Variants in IL17REL observed in about 807,000 individuals in gnomAD.
The protein encoded by IL17REL is interleukin-17 receptor E-like protein.
Under a neutral mutation model 49.0 loss-of-function variants are expected in IL17REL, and 36 were observed. The observed-to-expected ratio is 0.73, with a 90% CI of 0.56 to 0.97. IL17REL has a LOEUF of 0.97. Ranked by LOEUF, IL17REL falls within the 50% of genes least tolerant of loss-of-function variation. The pLI, the probability that IL17REL is intolerant of heterozygous loss-of-function variation, is 0.00. For missense variants in IL17REL, 470 were observed against 453.9 expected (o/e 1.04, Z -0.32); for synonymous variants, 206 against 192.4 (o/e 1.07, Z -0.58).
intron 2 of IL17REL, 92 bp downstream of exon 3, chr22:50,000,990 C>G: frequency 7.8e-7 from 1 of 1,277,378 alleles, no homozygotes; most frequent in Non-Finnish European, 1.1e-6. Context: ...CCTCCCTCAC[C>G]AGGCCGCCCA....
intron 1 of IL17REL, among the ~76,000 whole-genome samples, chr22:50,004,966 A>G (rs1396805095): frequency 6.6e-6 from 1 of 150,496 alleles, no homozygotes; most frequent in Non-Finnish European, 1.5e-5. Flanking sequence ...TCAAAACCAG[A>G]AAGTAAAAAA....
intron 7 of IL17REL, 77 bp downstream of exon 9, chr22:49,999,214 C>G (rs898211911): frequency 7.8e-6 from 12 of 1,535,050 alleles, no homozygotes; most frequent in South Asian, 1.1e-5. Flanking sequence ...CATCCCCCCA[C>G]GTCAGTCCTC....
chr22:49,992,752 G>A (rs1026431894), downstream of IL17REL, among the ~76,000 whole-genome samples: 4 of 152,154 alleles, frequency 2.6e-5, no homozygotes, highest in Non-Finnish European at 5.9e-5. Context: ...TGAGTAGCTG[G>A]GATTACAGGT....
chr22:50,009,282 C>A (rs923352094), upstream of IL17REL, among the ~76,000 whole-genome samples: 4 of 151,902 alleles, frequency 2.6e-5, no homozygotes, highest in Non-Finnish European at 5.9e-5. Context: ...AAGCTGCACT[C>A]CTGATTTATG....
At chr22:50,004,118 G>T (rs1464016123) in intron 1 of IL17REL, among the ~76,000 whole-genome samples, 1 of 151,966 alleles carries the variant, frequency 6.6e-6, no homozygotes. Flanking sequence ...TCACTCTGTT[G>T]CCCAGGCTGA....
exon 13 of IL17REL, chr22:49,995,101 C>T (rs527516402): frequency 2.0e-5 from 3 of 152,692 alleles, no homozygotes; most frequent in East Asian, 1.9e-4. Context: ...GAGGTGGACT[C>T]CAGCCAGTGT....
At chr22:50,009,381 G>A (rs2061126528), upstream of IL17REL, among the ~76,000 whole-genome samples, 1 of 152,174 alleles carries the variant, frequency 6.6e-6, no homozygotes, top group Non-Finnish European at 1.5e-5. Context: ...GGGTCCTGTG[G>A]GACAGGCTGC....
At chr22:50,003,788 T>A (rs574505719) in intron 1 of IL17REL, among the ~76,000 whole-genome samples, 5 of 152,294 alleles carry the variant, frequency 3.3e-5, no homozygotes, top group African/African-American at 1.2e-4. Context: ...AATAATAGAT[T>A]ATTTCCACCC....
At position 49,997,753 on chromosome 22, in the gene IL17REL, G is replaced by C; in HGVS notation, c.820-11C>G. ...CCAACTGGTAGAGAACTGCAAAGTG[G>C]GGTGAGGGGTGCAGGAGGGTGGAGT... On this transcript the variant is annotated splice_polypyrimidine_tract_variant and intron_variant, in intron 9 of 12. Coordinates refer to ENST00000341280, the Ensembl canonical transcript of IL17REL. 6.2e-7 allele frequency: 1 copy of C among 1,613,762 alleles called. No homozygotes were observed. The highest frequency in any genetic ancestry group is 1.3e-5 in the African/African-American group (1 of 75,060).
At chr22:50,008,481 C>T (rs1047518807) in intron 1 of IL17REL, among the ~76,000 whole-genome samples, 156 bp downstream of exon 2, 1 of 152,154 alleles carries the variant, frequency 6.6e-6, no homozygotes, top group Non-Finnish European at 1.5e-5. Flanking sequence ...CCACACGCAT[C>T]GGTGAGTGAT....
downstream of IL17REL, among the ~76,000 whole-genome samples, chr22:49,994,135 C>T (rs1453669553): frequency 3.3e-5 from 5 of 152,002 alleles, no homozygotes; most frequent in Non-Finnish European, 7.4e-5. Flanking sequence ...CCCCATGCCC[C>T]TGATCTCCAG....
At chr22:50,001,104 T>A in exon 2 of IL17REL, 1 of 1,596,532 alleles carries the variant, frequency 6.3e-7, no homozygotes, top group Non-Finnish European at 8.5e-7. Flanking sequence ...TGGAGGCGCG[T>A]ACACGCAGGA....
chr22:50,007,610 G>A (rs926238369), intron 1 of IL17REL, among the ~76,000 whole-genome samples: 5 of 151,926 alleles, frequency 3.3e-5, no homozygotes, highest in African/African-American at 9.7e-5. Flanking sequence ...AACTCCTGAC[G>A]TCAGGTGATC....
At chr22:50,011,197 C>T (rs1284087757), upstream of IL17REL, among the ~76,000 whole-genome samples, 1 of 150,548 alleles carries the variant, frequency 6.6e-6, no homozygotes, top group Non-Finnish European at 1.5e-5. Context: ...ACCCCATCTT[C>T]CATGAGACCC....
chr22:50,004,327 C>T lies in IL17REL; in HGVS notation c.-41-3096G>A, dbSNP rs915534583. On this transcript the variant is annotated intron_variant, in intron 1 of 12. Transcript: ENST00000341280. ...CTCCTGACGGCAAGTGATCCACCTG[C>T]CTCAGCCTCCCAAACACTGTATTTC... 5.3e-5 allele frequency among the ~76,000 whole-genome samples: 8 copies of T among 152,128 alleles called. No homozygotes were observed. The South Asian group carries it at 1.7e-3, about 32-fold the overall frequency.
exon 13 of IL17REL, chr22:49,994,548 G>C (rs1205139691): frequency 6.6e-6 from 1 of 152,362 alleles, no homozygotes; most frequent in Non-Finnish European, 1.5e-5. Context: ...AATGTTTACT[G>C]AGTGGCGGGG....
chr22:50,004,275 C>T (rs1034382356), intron 1 of IL17REL, among the ~76,000 whole-genome samples: 4 of 152,158 alleles, frequency 2.6e-5, no homozygotes, highest in Admixed American at 6.5e-5. Flanking sequence ...GACAGGGTTT[C>T]GCCATGTTGG....
At chr22:49,995,268 A>G (rs1450367088) in exon 13 of IL17REL, 1 of 152,584 alleles carries the variant, frequency 6.6e-6, no homozygotes, top group Admixed American at 6.5e-5. Context: ...GGCCATGACC[A>G]TGAATTGTCT....
At chr22:49,992,866 C>T (rs1428454097), downstream of IL17REL, among the ~76,000 whole-genome samples, 1 of 152,216 alleles carries the variant, frequency 6.6e-6, no homozygotes, top group Non-Finnish European at 1.5e-5. Context: ...ATCCACCCGC[C>T]TTGGTCTCCC....
Sources: allele counts gnomAD v4.1 joint callset (sites outside exome capture counted in the v4.1 genomes callset), GRCh38; gene constraint gnomAD v4.1.1; transcripts MANE v1.5; gene names NCBI Gene and HGNC (gene_info 2026-07-23, HGNC 2026-07-21).